Variants in BCAR3 observed in about 807,000 individuals in gnomAD.
BCAR3 encodes the protein breast cancer anti-estrogen resistance protein 3.
A neutral mutation model predicts 80.1 loss-of-function variants in BCAR3; 37 were observed. The observed-to-expected ratio is 0.46, with a 90% CI of 0.36 to 0.61. The LOEUF is 0.61. BCAR3 is among the 20% of genes least tolerant of loss of function. The pLI, the probability that BCAR3 is intolerant of heterozygous loss-of-function variation, is 0.00. For missense variants in BCAR3, 978 were observed against 1,068.2 expected (o/e 0.92, Z 1.18); for synonymous variants, 389 against 418.9 (o/e 0.93, Z 0.87).
chr1:93,779,036 G>A (rs1490086607), intron 2 of BCAR3, among the ~76,000 whole-genome samples: 2 of 152,148 alleles, frequency 1.3e-5, no homozygotes, highest in Non-Finnish European at 2.9e-5. Context: ...AGCAGTTGAG[G>A]AGGATGGGAG....
chr1:93,641,298 G>C (rs958468233), intron 3 of BCAR3, among the ~76,000 whole-genome samples: 2 of 152,190 alleles, frequency 1.3e-5, no homozygotes, highest in Non-Finnish European at 2.9e-5. Context: ...CAGAACTCTG[G>C]GGGAAGGCAT....
chr1:93,847,898 C>T, upstream of BCAR3: 1 of 211,218 alleles, frequency 4.7e-6, no homozygotes, highest in South Asian at 5.9e-5. Context: ...CTGAGAAGAG[C>T]GGCGGCGGCG....
chr1:93,698,498 G>A (rs1649504502), intron 3 of BCAR3, among the ~76,000 whole-genome samples: 1 of 152,126 alleles, frequency 6.6e-6, no homozygotes. Flanking sequence ...GCCTGTGACT[G>A]TGCCCTACTC....
intron 2 of BCAR3, among the ~76,000 whole-genome samples, chr1:93,822,532 T>C (rs1220258437): frequency 6.6e-6 from 1 of 151,886 alleles, no homozygotes; most frequent in Non-Finnish European, 1.5e-5. Flanking sequence ...AGAGATGGGG[T>C]TTTGCCATGT....
At position 93,727,127 on chromosome 1, in the gene BCAR3, C is replaced by T. The variant is rs12566368; in HGVS notation, c.-62-20985G>A. On this transcript the variant is annotated intron_variant, in intron 2 of 13. Coordinates refer to the BCAR3 transcript ENST00000370244. The stretch of plus-strand genomic sequence containing the variant: ...CATTTTGCAGTCTTTCATTGTAAGC[C>T]TGCATTGTCATGGTCTTAATCTGTG... Among the ~76,000 whole-genome samples, 26 of 152,252 alleles carry T rather than the reference C, an allele frequency of 1.7e-4. No individual in the cohort carries two copies. In the East Asian group the frequency reaches 5.0e-3, roughly 29 times the overall value.
At chr1:93,635,386 C>T (rs916236640) in intron 3 of BCAR3, among the ~76,000 whole-genome samples, 6 of 152,036 alleles carry the variant, frequency 3.9e-5, no homozygotes, top group Admixed American at 2.6e-4. Flanking sequence ...GACTTTTATA[C>T]GGACATGTGT....
chr1:93,766,635 C>G (rs956072667), intron 2 of BCAR3, among the ~76,000 whole-genome samples: 2 of 152,256 alleles, frequency 1.3e-5, no homozygotes, highest in African/African-American at 2.4e-5. Context: ...ATTCCTGATG[C>G]CTTCCTCTTT....
At chr1:93,795,397 T>C (rs1571133117) in intron 2 of BCAR3, among the ~76,000 whole-genome samples, 1 of 107,282 alleles carries the variant, frequency 9.3e-6, no homozygotes, top group East Asian at 3.1e-4. Context: ...TCGCTTCATT[T>C]GATTCATTTC....
chr1:93,581,436 G>A (rs1441862711), intron 7 of BCAR3, among the ~76,000 whole-genome samples: 1 of 149,934 alleles, frequency 6.7e-6, no homozygotes, highest in Non-Finnish European at 1.5e-5. Context: ...TTGAGACAGA[G>A]TTGTGCTCTT....
chr1:93,613,835 A>G (rs1226854441), intron 3 of BCAR3: 5 of 1,550,386 alleles, frequency 3.2e-6, no homozygotes, highest in Admixed American at 3.9e-5. Context: ...TTTATTTCCA[A>G]ACCAAACCTA....
intron 2 of BCAR3, among the ~76,000 whole-genome samples, chr1:93,652,467 G>T (rs1330034449): frequency 6.6e-6 from 1 of 152,132 alleles, no homozygotes; most frequent in Admixed American, 6.6e-5. Context: ...TTTCCAGGGA[G>T]CTAGAAAACA....
At chr1:93,846,762 G>A in intron 1 of BCAR3, 1 of 435,946 alleles carries the variant, frequency 2.3e-6, no homozygotes, top group Admixed American at 2.6e-5. Flanking sequence ...CGGGCTCGGG[G>A]CAGCTGCGCG....
intron 2 of BCAR3, among the ~76,000 whole-genome samples, chr1:93,774,680 A>C (rs1459673464): frequency 1.3e-5 from 2 of 152,186 alleles, no homozygotes; most frequent in Non-Finnish European, 2.9e-5. Flanking sequence ...CCCATTCAGG[A>C]GATCGTATGG....
At chr1:93,751,719 T>C (rs1409621316) in intron 2 of BCAR3, among the ~76,000 whole-genome samples, 1 of 152,156 alleles carries the variant, frequency 6.6e-6, no homozygotes, top group East Asian at 1.9e-4. Flanking sequence ...CCCAGAGCCA[T>C]TAGCACACTT....
At chr1:93,672,962 A>G (rs1648287606) in intron 2 of BCAR3, among the ~76,000 whole-genome samples, 1 of 152,152 alleles carries the variant, frequency 6.6e-6, no homozygotes, top group Admixed American at 6.5e-5. Flanking sequence ...AGGCCATTCC[A>G]GTTCCTTTTG....
Position 93,649,543 on chromosome 1 carries a change from GA to G in BCAR3, c.318-7201del, listed in dbSNP as rs112204030. 3.3e-3 allele frequency among the ~76,000 whole-genome samples: 481 copies of G among 143,680 alleles called. 7 individuals carry two copies. Among genetic ancestry groups the G allele is most frequent in the African/African-American group, 0.012 (470 of 39,016 alleles). The allele number at this position is 143,680 out of a possible 152,430, so 94.3% of individuals were successfully genotyped here. A position where few individuals can be genotyped will look rare whatever the true frequency, so the allele number is the denominator to read the frequency against. On this transcript the variant is annotated intron_variant, in intron 2 of 11. Transcript: ENST00000260502. The stretch of plus-strand genomic sequence containing the variant: ...TGTTTCAGCTTTCAAAAGGTGAAAG[GA>G]AAAAAAAAATCATGTAGCTGGGAAA...
At chr1:93,714,843 C>G (rs2101982259) in intron 2 of BCAR3, among the ~76,000 whole-genome samples, 1 of 152,278 alleles carries the variant, frequency 6.6e-6, no homozygotes, top group Admixed American at 6.5e-5. Flanking sequence ...TCATCCGTGA[C>G]TTTCGCAGTT....
intron 2 of BCAR3, among the ~76,000 whole-genome samples, chr1:93,786,687 C>T (rs181624562): frequency 8.5e-5 from 13 of 152,230 alleles, no homozygotes; most frequent in Admixed American, 3.3e-4. Flanking sequence ...AGCACAGATA[C>T]CAAAATTTTT....
chr1:93,786,764 T>C (rs1015669716), intron 2 of BCAR3, among the ~76,000 whole-genome samples: 2 of 152,180 alleles, frequency 1.3e-5, no homozygotes, highest in African/African-American at 2.4e-5. Context: ...CTGAGACAAA[T>C]AGCAGGGGAA....
Sources: gnomAD v4.1 joint callset for allele counts (sites outside exome capture counted in the v4.1 genomes callset) on GRCh38, gnomAD v4.1.1 for gene constraint, MANE v1.5 for transcripts, NCBI Gene and HGNC (gene_info 2026-07-23, HGNC 2026-07-21) for gene names.